The following PROCR variants were observed in gnomAD, a reference collection of about 807,000 sequenced individuals.
PROCR encodes the protein protein C receptor.
PROCR carries 22 observed loss-of-function variants against 24.2 expected under a neutral mutation model. The observed-to-expected ratio is 0.91, with a 90% CI of 0.65 to 1.30. PROCR has a LOEUF of 1.30. Among genes scored for constraint, PROCR ranks in the 50% most tolerant of loss-of-function variants. The pLI, the probability that PROCR is intolerant of heterozygous loss-of-function variation, is 0.00. For synonymous variants in PROCR, 137 were observed against 139.2 expected (o/e 0.98, Z 0.11); for missense variants, 288 against 307.7 (o/e 0.94, Z 0.48).
intron 1 of PROCR, among the ~76,000 whole-genome samples, chr20:35,182,585 A>G (rs1382846425): frequency 6.6e-6 from 1 of 152,222 alleles, no homozygotes; most frequent in Admixed American, 6.5e-5. Context: ...ATCCTTCTCA[A>G]GGAGCCCAGT....
At chr20:35,206,318 C>T (rs2060342349) in intron 1 of PROCR, among the ~76,000 whole-genome samples, 1 of 151,136 alleles carries the variant, frequency 6.6e-6, no homozygotes. Flanking sequence ...ACTAAAAATA[C>T]AAAAAAATTA....
At chr20:35,214,791 A>C (rs899616636) in intron 1 of PROCR, among the ~76,000 whole-genome samples, 2 of 152,028 alleles carry the variant, frequency 1.3e-5, no homozygotes, top group African/African-American at 4.8e-5. Context: ...AATACTCTCA[A>C]GTCATTTGGG....
downstream of PROCR, among the ~76,000 whole-genome samples, chr20:35,178,507 G>GTTTTGTTTTTTTTT (rs1272557859): frequency 9.3e-3 from 320 of 34,380 alleles, 96 homozygotes; most frequent in African/African-American, 0.023. Flanking sequence ...TCAAGTCTCA[G>GTTTTGTTTTTTTTT]TTTTTTTTTT....
At chr20:35,205,110 T>C (rs562492444) in intron 1 of PROCR, among the ~76,000 whole-genome samples, 29 of 151,384 alleles carry the variant, frequency 1.9e-4, no homozygotes, top group Non-Finnish European at 3.2e-4. Flanking sequence ...CCGTCTCTAC[T>C]AAAAATACAA....
At chr20:35,205,332 GA>G (rs199862842) in intron 1 of PROCR, among the ~76,000 whole-genome samples, 4 of 144,220 alleles carry the variant, frequency 2.8e-5, no homozygotes, top group Admixed American at 2.1e-4. Flanking sequence ...GACTAAGGAA[GA>G]AAAAAACACA....
At chr20:35,205,524 G>C (rs2060335028) in intron 1 of PROCR, among the ~76,000 whole-genome samples, 1 of 150,044 alleles carries the variant, frequency 6.7e-6, no homozygotes, top group Admixed American at 6.7e-5. Flanking sequence ...GGCCGAGGCA[G>C]GCGGATCACC....
At chr20:35,187,346 G>A (rs1358328987) in intron 1 of PROCR, among the ~76,000 whole-genome samples, 1 of 152,180 alleles carries the variant, frequency 6.6e-6, no homozygotes, top group Non-Finnish European at 1.5e-5. Context: ...ACAGGCATGA[G>A]CCACCACACC....
chr20:35,209,725 AT>A (rs2060354971), intron 1 of PROCR, among the ~76,000 whole-genome samples: 1 of 152,182 alleles, frequency 6.6e-6, no homozygotes, highest in Admixed American at 6.5e-5. Flanking sequence ...CATGGTGGTA[AT>A]TACAAAGAAA....
intron 1 of PROCR, among the ~76,000 whole-genome samples, chr20:35,185,745 AG>A (rs770973412): frequency 4.6e-5 from 7 of 152,184 alleles, no homozygotes; most frequent in Admixed American, 2.0e-4. Context: ...AAAGAGTGGG[AG>A]GGGGGTGAGG....
chr20:35,189,880 A>G (rs938964180), intron 1 of PROCR, among the ~76,000 whole-genome samples: 3 of 152,200 alleles, frequency 2.0e-5, no homozygotes, highest in Non-Finnish European at 4.4e-5. Flanking sequence ...TGGCTGGATG[A>G]ATGAATGAAT....
intron 1 of PROCR, among the ~76,000 whole-genome samples, chr20:35,198,006 C>T (rs777239812): frequency 5.3e-5 from 8 of 150,256 alleles, no homozygotes; most frequent in Non-Finnish European, 1.0e-4. Flanking sequence ...AAATTAAGGC[C>T]AGGCGCGGTG....
intron 1 of PROCR, among the ~76,000 whole-genome samples, chr20:35,173,799 T>C (rs2085976618): frequency 6.6e-6 from 1 of 152,170 alleles, no homozygotes. Flanking sequence ...AATCCTGACA[T>C]GCTATTCATG....
chr20:35,214,884 C>A (rs958146900), intron 1 of PROCR, among the ~76,000 whole-genome samples: 2 of 149,996 alleles, frequency 1.3e-5, no homozygotes, highest in Admixed American at 6.7e-5. Context: ...TTCCTCCAGG[C>A]CTTTACCTCC....
At chr20:35,178,510 T>TTGTTTTTG (rs1171835101), downstream of PROCR, among the ~76,000 whole-genome samples, 4 of 41,820 alleles carry the variant, frequency 9.6e-5, no homozygotes, top group African/African-American at 6.5e-4. Context: ...AGTCTCAGTT[T>TTGTTTTTG]TTTTTTTTTT....
intron 1 of PROCR, among the ~76,000 whole-genome samples, chr20:35,184,698 ACT>A (rs1372426368): frequency 2.0e-5 from 3 of 151,920 alleles, no homozygotes; most frequent in South Asian, 2.1e-4. Context: ...AGACTGTGAG[ACT>A]CTGTCACAAA....
At chr20:35,180,680 G>GT (rs1350915345), downstream of PROCR, among the ~76,000 whole-genome samples, 3 of 152,122 alleles carry the variant, frequency 2.0e-5, no homozygotes, top group Non-Finnish European at 4.4e-5. Context: ...TTGTGTGTGT[G>GT]TGTCTCTCTC....
chr20:35,198,874 C>T (rs117802529), intron 1 of PROCR, among the ~76,000 whole-genome samples: 12,273 of 152,132 alleles, frequency 0.081, 639 homozygotes, highest in South Asian at 0.16. Context: ...ACCACCATGC[C>T]TGCCTAATTT....
chr20:35,188,952 C>G (rs2086149653), intron 1 of PROCR, among the ~76,000 whole-genome samples: 1 of 152,178 alleles, frequency 6.6e-6, no homozygotes, highest in Admixed American at 6.6e-5. Flanking sequence ...ACTTTAATCT[C>G]TTAATCCCAT....
intron 1 of PROCR, among the ~76,000 whole-genome samples, chr20:35,185,959 C>T (rs2086122130): frequency 6.6e-6 from 1 of 152,192 alleles, no homozygotes; most frequent in Admixed American, 6.5e-5. Context: ...TTGGAACCCT[C>T]ATACATTGCT....
Sources: gnomAD v4.1 joint callset for allele counts (sites outside exome capture counted in the v4.1 genomes callset) on GRCh38, gnomAD v4.1.1 for gene constraint, MANE v1.5 for transcripts, NCBI Gene and HGNC (gene_info 2026-07-23, HGNC 2026-07-21) for gene names.